The following MTRFR variants were observed in gnomAD, a reference collection of about 807,000 sequenced individuals.
MTRFR encodes the protein probable peptide chain release factor C12orf65, mitochondrial.
Under a neutral mutation model 11.9 loss-of-function variants are expected in MTRFR, and 10 were observed. The observed-to-expected ratio is 0.84, with a 90% CI of 0.52 to 1.42. The LOEUF (loss-of-function observed/expected upper bound fraction) is 1.42. Ranked by LOEUF, MTRFR falls within the 40% of genes most tolerant of loss-of-function variation. The pLI, the probability that MTRFR is intolerant of heterozygous loss-of-function variation, is 0.00. For synonymous variants in MTRFR, 77 were observed against 79.1 expected, an observed-to-expected ratio of 0.97 and a Z score of 0.14; for missense variants, 196 against 197.9, an observed-to-expected ratio of 0.99 and a Z score of 0.06.
chr12:123,245,467 T>C (rs1387291407), intron 1 of MTRFR, among the ~76,000 whole-genome samples: 2 of 152,182 alleles, frequency 1.3e-5, no homozygotes, highest in Non-Finnish European at 2.9e-5. Context: ...TGTAGATTGC[T>C]TTTGGCAGTA....
rs1264814190 is a variant in MTRFR, at chr12:123,257,182, AAACTG to A, written c.*152_*156del. On this transcript the variant is annotated 3_prime_UTR_variant, in exon 3 of 3. Coordinates refer to ENST00000253233, the MANE Select transcript of MTRFR (RefSeq NM_152269.5). Reference sequence around the variant, plus strand: ...AACAAATTTATTTAAATGGTGCACTAAACTGTAGTGAACAGAGACATGCACGATTC... The same window carrying A: ...AACAAATTTATTTAAATGGTGCACTATAGTGAACAGAGACATGCACGATTC... 2 of 709,826 alleles carry A rather than the reference AAACTG, an allele frequency of 2.8e-6. No individual in the cohort carries two copies. The highest frequency in any genetic ancestry group is 3.6e-5 in the African/African-American group (2 of 55,920). The allele number at this position is 709,826 out of a possible 1,614,324, so 44.0% of individuals were successfully genotyped here.
chr12:123,245,524 G>A (rs549708579), intron 1 of MTRFR, among the ~76,000 whole-genome samples: 2 of 152,288 alleles, frequency 1.3e-5, no homozygotes, highest in East Asian at 3.9e-4. Flanking sequence ...AGCATGGGAT[G>A]TGTTTCCATT....
intron 1 of MTRFR, among the ~76,000 whole-genome samples, chr12:123,234,872 C>T (rs1565988397): frequency 6.6e-6 from 1 of 152,174 alleles, no homozygotes; most frequent in African/African-American, 2.4e-5. Context: ...ACAGTGATCT[C>T]CTTAGTACCT....
chr12:123,253,061 T>A (rs995501074), intron 1 of MTRFR, among the ~76,000 whole-genome samples: 1 of 145,836 alleles, frequency 6.9e-6, no homozygotes, highest in Admixed American at 7.0e-5. Flanking sequence ...TTACAGTCCG[T>A]TCCTTTGAAT....
At chr12:123,234,133 C>G (rs2047788015) in intron 1 of MTRFR, among the ~76,000 whole-genome samples, 1 of 152,086 alleles carries the variant, frequency 6.6e-6, no homozygotes, top group African/African-American at 2.4e-5. Flanking sequence ...CGCTCTCCTC[C>G]CCGTGGGACC....
chr12:123,235,399 T>C (rs540528619), intron 1 of MTRFR, among the ~76,000 whole-genome samples: 1 of 151,378 alleles, frequency 6.6e-6, no homozygotes, highest in South Asian at 2.1e-4. Context: ...GGTCCAAACG[T>C]AGTGAGTTTT....
At chr12:123,244,003 G>C (rs1399068310) in intron 1 of MTRFR, 1 of 152,230 alleles carries the variant, frequency 6.6e-6, no homozygotes, top group African/African-American at 2.4e-5. Context: ...GCTGTGGAGT[G>C]ATCTGCTGGA....
rs745883504 is a variant in MTRFR, at chr12:123,253,628, C to T, written c.-28-19C>T. The T allele has an allele frequency of 6.2e-7, 1 of 1,612,688 alleles. No homozygotes were observed. Among genetic ancestry groups the T allele is most frequent in the East Asian group, 2.2e-5 (1 of 44,872 alleles). ...GCAGATGCCTCTTACTGAAAGCTCT[C>T]CTTATTCATCTAACCCAGGTCCTCA... On this transcript the variant is annotated intron_variant, in intron 1 of 2. Transcript: ENST00000253233.
Position 123,253,975 on chromosome 12 carries a change from C to T in MTRFR, c.282+19C>T, listed in dbSNP as rs2048150696. The T allele has an allele frequency of 6.2e-7, 1 of 1,613,574 alleles. No homozygotes were observed. The highest frequency in any genetic ancestry group is 8.5e-7 in the Non-Finnish European group (1 of 1,179,704). On this transcript the variant is annotated intron_variant, in intron 2 of 2. Coordinates refer to ENST00000253233, the MANE Select transcript of MTRFR (RefSeq NM_152269.5). ...TGTAAAGGTAGATCACAGAAGGCCG[C>T]TGAGGGGAGAGGCCCCGCCCAAGGG...
intron 1 of MTRFR, among the ~76,000 whole-genome samples, chr12:123,237,158 TA>T (rs71440287): frequency 3.3e-5 from 5 of 149,666 alleles, no homozygotes; most frequent in East Asian, 2.0e-4. Flanking sequence ...GTTTTCTGCT[TA>T]AAAAAAAATA....
chr12:123,253,963 C>T lies in MTRFR; in HGVS notation c.282+7C>T. On this transcript the variant is annotated splice_region_variant and intron_variant, in intron 2 of 2. Transcript: ENST00000253233. ...CTCAGGCATCGTTGTAAAGGTAGAT[C>T]ACAGAAGGCCGCTGAGGGGAGAGGC... 1 of 1,613,946 alleles carries T rather than the reference C, an allele frequency of 6.2e-7. No individual in the cohort carries two copies.
chr12:123,253,513 T>C lies in MTRFR; in HGVS notation c.-28-134T>C, dbSNP rs1170982668. 3.6e-6 allele frequency: 3 copies of C among 831,316 alleles called. No individual in the cohort carries two copies. In the African/African-American group the frequency reaches 5.1e-5, roughly 14 times the overall value. The allele number at this position is 831,316 out of a possible 1,614,324, so 51.5% of individuals were successfully genotyped here. On this transcript the variant is annotated intron_variant, in intron 1 of 2. Transcript: ENST00000253233. ...GTCTTGCTGAATAATGTGTCTCTACTCATTTCCTAAATTCCCTCGGTAACA... is the reference window on the plus strand; with the variant it reads ...GTCTTGCTGAATAATGTGTCTCTACCCATTTCCTAAATTCCCTCGGTAACA...
intron 2 of MTRFR, chr12:123,254,276 CTA>C (rs1254053309): frequency 1.2e-5 from 4 of 335,472 alleles, no homozygotes; most frequent in African/African-American, 8.4e-5. Flanking sequence ...CTTGACAAAG[CTA>C]AGCAGTGGCT....
chr12:123,251,888 A>G (rs1206324113), intron 1 of MTRFR: 1 of 152,418 alleles, frequency 6.6e-6, no homozygotes, highest in Non-Finnish European at 1.5e-5. Context: ...ATAAATTATG[A>G]TCACAAGGTC....
chr12:123,233,769 G>A (rs1289876345), intron 1 of MTRFR: 1 of 152,424 alleles, frequency 6.6e-6, no homozygotes, highest in East Asian at 1.9e-4. Context: ...GGGCTGTTCA[G>A]GCACTCAGGG....
intron 1 of MTRFR, chr12:123,240,737 T>C (rs1177581546): frequency 6.8e-6 from 1 of 147,306 alleles, no homozygotes; most frequent in African/African-American, 2.5e-5. Flanking sequence ...CTTTTTTTTT[T>C]TTTTTTTTTT....
rs1348487479 is a variant in MTRFR, at chr12:123,257,918, T to A, written c.*887T>A. 6.6e-6 allele frequency: 1 copy of A among 152,130 alleles called. No homozygotes were observed. Among genetic ancestry groups the A allele is most frequent in the African/African-American group, 2.4e-5 (1 of 41,424 alleles). 9.4% of individuals were successfully genotyped at this position (152,130 alleles called of 1,614,324 possible). A position where few individuals can be genotyped will look rare whatever the true frequency, so the allele number is the denominator to read the frequency against. ...GATTGTATGTTTTGTAATAATAAAA[T>A]TTTTTTTGTAATTAGTAAAGTCAAT... On this transcript the variant is annotated 3_prime_UTR_variant, in exon 3 of 3. Coordinates refer to ENST00000253233, the MANE Select transcript of MTRFR (RefSeq NM_152269.5).
intron 1 of MTRFR, chr12:123,249,501 A>G (rs2048087813): frequency 6.6e-6 from 1 of 152,608 alleles, no homozygotes; most frequent in Non-Finnish European, 1.5e-5. Flanking sequence ...GAATTCAAGC[A>G]CAGCCCGGGT....
chr12:123,241,621 C>T (rs1447287321), intron 1 of MTRFR, among the ~76,000 whole-genome samples: 1 of 152,028 alleles, frequency 6.6e-6, no homozygotes, highest in Non-Finnish European at 1.5e-5. Flanking sequence ...ATTACAGGCA[C>T]GAACCACCAT....
Sources: gnomAD v4.1 joint callset for allele counts (sites outside exome capture counted in the v4.1 genomes callset) on GRCh38, gnomAD v4.1.1 for gene constraint, MANE v1.5 for transcripts, NCBI Gene and HGNC (gene_info 2026-07-23, HGNC 2026-07-21) for gene names.